Variants in THSD7A observed in about 807,000 individuals in gnomAD.
The protein encoded by THSD7A is thrombospondin type-1 domain-containing protein 7A.
A neutral mutation model predicts 231.3 loss-of-function variants in THSD7A; 96 were observed. The observed-to-expected ratio is 0.41, with a 90% CI of 0.35 to 0.49. The LOEUF is 0.49. Among genes scored for constraint, THSD7A ranks in the 20% least tolerant of loss-of-function variants. The probability of loss-of-function intolerance (pLI) is 0.05; values close to 1 mark genes in which losing one functional copy is unlikely to be tolerated. For missense variants in THSD7A, 2,290 were observed against 2,070.2 expected, an observed-to-expected ratio of 1.11 and a Z score of -2.06; for synonymous variants, 940 against 743.3, an observed-to-expected ratio of 1.26 and a Z score of -4.30.
In THSD7A at chr7:11,826,787, G is replaced by T. The variant is rs1198258713; in HGVS notation, c.190+4970C>A. ...AGATCATGCCACTGTACTCCAGCCT[G>T]GGCAAAAAGAGTGAGCCTCTGTCTC... On this transcript the variant is annotated intron_variant, in intron 1 of 27. Coordinates refer to ENST00000423059, the MANE Select transcript of THSD7A (RefSeq NM_015204.3). Among the ~76,000 whole-genome samples the T allele has an allele frequency of 4.1e-5, 6 of 145,822 alleles. No individual in the cohort carries two copies. The East Asian group carries it at 1.2e-3, about 29-fold the overall frequency.
chr7:11,798,930 CTT>C (rs11338039), intron 1 of THSD7A, among the ~76,000 whole-genome samples: 1 of 147,278 alleles, frequency 6.8e-6, no homozygotes, highest in South Asian at 2.2e-4. Flanking sequence ...TTGAACAACT[CTT>C]TTTTTTTTTG....
At chr7:11,404,448 A>C (rs1002209162) in intron 22 of THSD7A, among the ~76,000 whole-genome samples, 1 of 152,208 alleles carries the variant, frequency 6.6e-6, no homozygotes. Context: ...GTTTTGGAAA[A>C]GTAGGCCTTA....
At chr7:11,659,285 G>T (rs143822090) in intron 1 of THSD7A, among the ~76,000 whole-genome samples, 2 of 151,664 alleles carry the variant, frequency 1.3e-5, no homozygotes, top group East Asian at 3.9e-4. Context: ...CTTCTCATCT[G>T]TTCTCTGCAC....
rs57755425 is a variant in THSD7A, at chr7:11,389,421, C to CTTTTTTTT, written c.4412-6813_4412-6806dup. 9.0e-4 allele frequency among the ~76,000 whole-genome samples: 34 copies of CTTTTTTTT among 37,606 alleles called. 4 individuals carry two copies. The highest frequency in any genetic ancestry group is 1.3e-3 in the Non-Finnish European group (26 of 20,702). The allele number at this position is 37,606 out of a possible 152,430, so 24.7% of individuals were successfully genotyped here. A position where few individuals can be genotyped will look rare whatever the true frequency, so the allele number is the denominator to read the frequency against. Reference sequence around the variant, plus strand: ...TCAGAGACTAGAATTGCAACTCCTGCTTTTTTTTTTTTTTTTTTTTTTTTT... The same window carrying CTTTTTTTT: ...TCAGAGACTAGAATTGCAACTCCTGCTTTTTTTTTTTTTTTTTTTTTTTTTTTTTTTTT... On this transcript the variant is annotated intron_variant, in intron 23 of 27. Coordinates refer to ENST00000423059, the MANE Select transcript of THSD7A (RefSeq NM_015204.3).
intron 1 of THSD7A, among the ~76,000 whole-genome samples, chr7:11,719,859 TA>T (rs1781285825): frequency 6.6e-6 from 1 of 151,694 alleles, no homozygotes; most frequent in Admixed American, 6.6e-5. Flanking sequence ...TACATAAACC[TA>T]AAAAATAATA....
chr7:11,384,158 A>T (rs549655501), intron 23 of THSD7A: 3 of 151,530 alleles, frequency 2.0e-5, no homozygotes, highest in Non-Finnish European at 2.9e-5. Flanking sequence ...AATAAATATT[A>T]TAAGTTTTCT....
At chr7:11,757,023 G>C (rs919601610) in intron 1 of THSD7A, among the ~76,000 whole-genome samples, 1 of 151,772 alleles carries the variant, frequency 6.6e-6, no homozygotes, top group Non-Finnish European at 1.5e-5. Flanking sequence ...GCCATAGTGT[G>C]TCTAATTAAA....
chr7:11,548,618 A>G (rs1157854454), intron 4 of THSD7A, among the ~76,000 whole-genome samples: 4 of 152,134 alleles, frequency 2.6e-5, no homozygotes, highest in African/African-American at 9.7e-5. Context: ...CTCAAAAATT[A>G]CAAGCTAACC....
At chr7:11,488,093 C>T (rs2128306638) in intron 6 of THSD7A, among the ~76,000 whole-genome samples, 1 of 152,010 alleles carries the variant, frequency 6.6e-6, no homozygotes, top group African/African-American at 2.4e-5. Flanking sequence ...GACACAGAGC[C>T]AAGATTAAAA....
chr7:11,808,200 A>G (rs1002910233), intron 1 of THSD7A, among the ~76,000 whole-genome samples: 1 of 152,092 alleles, frequency 6.6e-6, no homozygotes, highest in Non-Finnish European at 1.5e-5. Context: ...TGTCCCTTCC[A>G]AAATTAAGTT....
At chr7:11,472,256 C>T (rs996876021) in intron 8 of THSD7A, among the ~76,000 whole-genome samples, 1 of 152,018 alleles carries the variant, frequency 6.6e-6, no homozygotes, top group African/African-American at 2.4e-5. Flanking sequence ...GATTTCCCCC[C>T]AAATCTTATT....
rs372867410 is a variant in THSD7A at position 11,625,741 on chromosome 7, C to T, written c.1022+10389G>A. On this transcript the variant is annotated intron_variant, in intron 2 of 27. Coordinates refer to ENST00000423059, the MANE Select transcript of THSD7A (RefSeq NM_015204.3). Reference sequence around the variant, plus strand: ...AATGCATTAATGATTTATTAAATTCCCTCTTTTATGGGAATTTGTATTTTC... The same window carrying T: ...AATGCATTAATGATTTATTAAATTCTCTCTTTTATGGGAATTTGTATTTTC... 1.1e-4 allele frequency among the ~76,000 whole-genome samples: 16 copies of T among 151,986 alleles called. No homozygotes were observed. In the East Asian group the frequency reaches 1.4e-3, roughly 13 times the overall value.
intron 2 of THSD7A, among the ~76,000 whole-genome samples, chr7:11,600,274 T>C (rs1780504150): frequency 6.6e-6 from 1 of 152,170 alleles, no homozygotes; most frequent in South Asian, 2.1e-4. Context: ...AATGTATGCT[T>C]ATTCAAGTAC....
chr7:11,639,930 C>G (rs997345340), intron 1 of THSD7A, among the ~76,000 whole-genome samples: 1 of 152,122 alleles, frequency 6.6e-6, no homozygotes, highest in African/African-American at 2.4e-5. Context: ...CAAACTCTTA[C>G]AAACCAAATT....
intron 4 of THSD7A, among the ~76,000 whole-genome samples, chr7:11,554,433 T>C (rs34682129): frequency 6.8e-4 from 104 of 152,224 alleles, no homozygotes; most frequent in Admixed American, 1.2e-3. Context: ...TTAAGTATAA[T>C]GTTAGCTATA....
intron 1 of THSD7A, among the ~76,000 whole-genome samples, chr7:11,644,935 A>AT (rs996803881): frequency 1.3e-5 from 2 of 151,900 alleles, no homozygotes; most frequent in Non-Finnish European, 2.9e-5. Flanking sequence ...ATGTGACAGT[A>AT]TTTTAAAGTC....
At chr7:11,667,252 A>G (rs1241463687) in intron 1 of THSD7A, among the ~76,000 whole-genome samples, 4 of 152,052 alleles carry the variant, frequency 2.6e-5, no homozygotes, top group Non-Finnish European at 5.9e-5. Context: ...CCTTACCCTT[A>G]AGCCTTTGTA....
Position 11,447,222 on chromosome 7 carries a change from A to C in THSD7A, c.2800+8T>G, listed in dbSNP as rs1420116521. ...GTGTACTGGCTTTGGCATCCCAATT[A>C]TTCTTACCAACAAGAGTGCGCTTTC... On this transcript the variant is annotated splice_region_variant and intron_variant, in intron 12 of 27. Coordinates refer to ENST00000423059, the MANE Select transcript of THSD7A (RefSeq NM_015204.3). The C allele has an allele frequency of 3.1e-6, 5 of 1,612,608 alleles. No individual in the cohort carries two copies. The highest frequency in any genetic ancestry group is 1.7e-4 in the Middle Eastern group (1 of 6,046).
intron 16 of THSD7A, among the ~76,000 whole-genome samples, chr7:11,421,996 T>C (rs960486437): frequency 1.4e-4 from 21 of 152,174 alleles, no homozygotes; most frequent in African/African-American, 4.8e-4. Flanking sequence ...TCCAAATTCT[T>C]GGCCTTTCTC....
Sources: allele counts gnomAD v4.1 joint callset (sites outside exome capture counted in the v4.1 genomes callset), GRCh38; gene constraint gnomAD v4.1.1; transcripts MANE v1.5; gene names NCBI Gene and HGNC (gene_info 2026-07-23, HGNC 2026-07-21).